KCNMA1: variants seen among roughly 807,000 people sequenced by gnomAD.
The protein encoded by KCNMA1 is potassium calcium-activated channel subfamily M alpha 1, also known as Calcium-activated potassium channel subunit alpha-1.
In KCNMA1, 29 loss-of-function variants were observed where a neutral mutation model predicts 140.0. That is an observed-to-expected ratio of 0.21 (90% CI 0.15 to 0.28). The LOEUF (loss-of-function observed/expected upper bound fraction) is 0.28, where lower values mean the gene tolerates loss of function less well. Ranked by LOEUF, KCNMA1 falls within the 10% of genes least tolerant of loss-of-function variation. The probability of loss-of-function intolerance (pLI) is 1.00; values close to 1 mark genes in which losing one functional copy is unlikely to be tolerated. For synonymous variants in KCNMA1, 612 were observed against 611.9 expected, an observed-to-expected ratio of 1.00 and a Z score of 0.00; for missense variants, 880 against 1,602.2, an observed-to-expected ratio of 0.55 and a Z score of 7.70.
intron 2 of KCNMA1, among the ~76,000 whole-genome samples, chr10:77,255,560 A>G (rs2060543408): frequency 6.6e-6 from 1 of 152,054 alleles, no homozygotes; most frequent in Non-Finnish European, 1.5e-5. Flanking sequence ...AGAGTATGCC[A>G]CTACACTCCA....
chr10:77,205,922 T>C (rs914639278), intron 3 of KCNMA1, among the ~76,000 whole-genome samples: 1 of 152,208 alleles, frequency 6.6e-6, no homozygotes, highest in Non-Finnish European at 1.5e-5. Context: ...TGTAACTATA[T>C]GAGCTAATAG....
chr10:77,370,282 T>A (rs2094603977), intron 2 of KCNMA1, among the ~76,000 whole-genome samples: 1 of 151,960 alleles, frequency 6.6e-6, no homozygotes, highest in South Asian at 2.1e-4. Context: ...TCAGAGAGGA[T>A]AAAAGGGGAG....
intron 20 of KCNMA1, among the ~76,000 whole-genome samples, chr10:76,969,611 G>T (rs562439490): frequency 6.6e-6 from 1 of 152,160 alleles, no homozygotes; most frequent in Non-Finnish European, 1.5e-5. Context: ...AGAGACTGCC[G>T]CAGGCAAACT....
intron 3 of KCNMA1, among the ~76,000 whole-genome samples, chr10:77,227,604 A>G (rs114427784): frequency 7.9e-4 from 120 of 152,304 alleles, no homozygotes; most frequent in African/African-American, 2.8e-3. Flanking sequence ...ACTGTCCTCA[A>G]ACTGCTTTCA....
chr10:77,434,380 C>T (rs183162929), intron 1 of KCNMA1, among the ~76,000 whole-genome samples: 7 of 152,148 alleles, frequency 4.6e-5, no homozygotes, highest in East Asian at 3.9e-4. Context: ...GAGCTGCTGG[C>T]GGTCAGAACA....
chr10:76,938,879 T>C (rs2061253927), intron 23 of KCNMA1, among the ~76,000 whole-genome samples: 1 of 152,126 alleles, frequency 6.6e-6, no homozygotes, highest in South Asian at 2.1e-4. Context: ...TTTTCAAGCA[T>C]GGAATTAATT....
intron 25 of KCNMA1, among the ~76,000 whole-genome samples, chr10:76,893,890 T>A (rs1436010793): frequency 6.6e-6 from 1 of 152,210 alleles, no homozygotes; most frequent in African/African-American, 2.4e-5. Context: ...GAAGACTTGA[T>A]TTATTAAGAT....
chr10:77,427,670 G>A (rs1164319647), intron 1 of KCNMA1, among the ~76,000 whole-genome samples: 1 of 151,910 alleles, frequency 6.6e-6, no homozygotes, highest in East Asian at 1.9e-4. Flanking sequence ...ATTAAGCAAG[G>A]GCCCAGGCTT....
chr10:77,304,635 T>C (rs1203980701), intron 2 of KCNMA1: 3 of 152,246 alleles, frequency 2.0e-5, no homozygotes, highest in Non-Finnish European at 2.9e-5. Context: ...GCCTTAAATC[T>C]ACCAAAAGTG....
chr10:76,929,218 G>A (rs1865020), intron 23 of KCNMA1, among the ~76,000 whole-genome samples: 65,613 of 152,086 alleles, frequency 0.43, 15,356 homozygotes, highest in East Asian at 0.84. Flanking sequence ...CTAGGGGCCT[G>A]TTAAAAGTAG....
chr10:77,188,612 A>G (rs1432263456), intron 3 of KCNMA1, among the ~76,000 whole-genome samples: 2 of 152,134 alleles, frequency 1.3e-5, no homozygotes, highest in Non-Finnish European at 2.9e-5. Flanking sequence ...ACAAACTCCT[A>G]TTTCCTCTTG....
At chr10:76,889,392 G>GA (rs2038903238) in intron 27 of KCNMA1, 59 bp downstream of exon 27, 2 of 1,128,578 alleles carry the variant, frequency 1.8e-6, no homozygotes, top group Non-Finnish European at 1.4e-6. Context: ...TAGGGGACAG[G>GA]AAAGGATATT....
intron 2 of KCNMA1, among the ~76,000 whole-genome samples, chr10:77,358,303 C>T (rs2093669748): frequency 1.3e-5 from 2 of 152,112 alleles, no homozygotes; most frequent in Admixed American, 1.3e-4. Context: ...TCTTTTTCTG[C>T]TAGTGGTCTT....
intron 2 of KCNMA1, among the ~76,000 whole-genome samples, chr10:77,342,510 C>A (rs1566102669): frequency 1.3e-5 from 2 of 152,186 alleles, no homozygotes; most frequent in Non-Finnish European, 2.9e-5. Flanking sequence ...GCTGACCACC[C>A]AACCCCCAGC....
At chr10:77,558,280 C>G (rs2065216870) in intron 1 of KCNMA1, among the ~76,000 whole-genome samples, 1 of 152,036 alleles carries the variant, frequency 6.6e-6, no homozygotes, top group Non-Finnish European at 1.5e-5. Context: ...CAGGTAATAC[C>G]CTGGCAGCAT....
intron 7 of KCNMA1, among the ~76,000 whole-genome samples, chr10:77,111,155 T>C (rs1179144536): frequency 6.6e-6 from 1 of 152,206 alleles, no homozygotes; most frequent in African/African-American, 2.4e-5. Flanking sequence ...TCCATCATAT[T>C]TGATCTGCCA....
At chr10:76,920,020 G>GTGTGTA (rs1177257916) in intron 23 of KCNMA1, among the ~76,000 whole-genome samples, 43 of 34,420 alleles carry the variant, frequency 1.2e-3, no homozygotes, top group African/African-American at 2.3e-3. Flanking sequence ...GTGTGTGTGT[G>GTGTGTA]TATATATATA....
chr10:77,161,049 C>T (rs2098548688), intron 5 of KCNMA1, among the ~76,000 whole-genome samples: 1 of 152,194 alleles, frequency 6.6e-6, no homozygotes, highest in Non-Finnish European at 1.5e-5. Flanking sequence ...TATGGTCAGC[C>T]ACAGGCTTGG....
chr10:77,456,435 T>C, intron 1 of KCNMA1, among the ~76,000 whole-genome samples: 1 of 152,192 alleles, frequency 6.6e-6, no homozygotes, highest in South Asian at 2.1e-4. Context: ...TCCACACTTA[T>C]CATAATCAGA....
Sources: allele counts gnomAD v4.1 joint callset (sites outside exome capture counted in the v4.1 genomes callset), GRCh38; gene constraint gnomAD v4.1.1; transcripts MANE v1.5; gene names NCBI Gene and HGNC (gene_info 2026-07-23, HGNC 2026-07-21).